TBCK: variants seen among roughly 807,000 people sequenced by gnomAD.
The protein encoded by TBCK is TBC domain-containing protein kinase-like protein.
In TBCK, 99 loss-of-function variants were observed where a neutral mutation model predicts 113.4. The observed-to-expected ratio is 0.87, with a 90% CI of 0.74 to 1.03. The LOEUF (loss-of-function observed/expected upper bound fraction) is 1.03, where lower values mean the gene tolerates loss of function less well. Among genes scored for constraint, TBCK ranks in the 50% least tolerant of loss-of-function variants. The pLI is 0.00. For synonymous variants in TBCK, 369 were observed against 370.8 expected, an observed-to-expected ratio of 1.00 and a Z score of 0.05; for missense variants, 1,045 against 1,061.3, an observed-to-expected ratio of 0.98 and a Z score of 0.21.
At chr4:106,125,566 G>C (rs1195052879) in intron 23 of TBCK, among the ~76,000 whole-genome samples, 2 of 152,130 alleles carry the variant, frequency 1.3e-5, no homozygotes, top group Non-Finnish European at 2.9e-5. Context: ...AAAATGGATG[G>C]AATTGGAGGT....
chr4:106,294,829 G>C (rs965355196), intron 3 of TBCK, among the ~76,000 whole-genome samples: 1 of 152,078 alleles, frequency 6.6e-6, no homozygotes, highest in Non-Finnish European at 1.5e-5. Context: ...TACTAAGAAG[G>C]TTTCAAATTT....
chr4:106,214,028 A>G (rs1018479321), intron 19 of TBCK, among the ~76,000 whole-genome samples: 4 of 152,182 alleles, frequency 2.6e-5, no homozygotes, highest in East Asian at 1.9e-4. Flanking sequence ...TCTGAGAACC[A>G]GCAGACTGCC....
chr4:106,316,566 G>A (rs538104716), upstream of TBCK: 186 of 1,551,612 alleles, frequency 1.2e-4, 2 homozygotes, highest in South Asian at 2.1e-3. Flanking sequence ...TGCTGTGGCT[G>A]TCTCGGAACC....
At chr4:106,195,956 T>C (rs1305565051) in intron 20 of TBCK, among the ~76,000 whole-genome samples, 1 of 151,666 alleles carries the variant, frequency 6.6e-6, no homozygotes, top group Non-Finnish European at 1.5e-5. Context: ...CTCATAAGTT[T>C]TGAGGTACTC....
intron 24 of TBCK, among the ~76,000 whole-genome samples, chr4:106,097,751 A>G (rs1426847864): frequency 6.6e-6 from 1 of 152,100 alleles, no homozygotes; most frequent in Admixed American, 6.5e-5. Flanking sequence ...TTATATTGTA[A>G]ATCTAGGTAG....
At chr4:106,099,605 T>C (rs779366406) in intron 24 of TBCK, among the ~76,000 whole-genome samples, 1 of 152,182 alleles carries the variant, frequency 6.6e-6, no homozygotes, top group Non-Finnish European at 1.5e-5. Flanking sequence ...GCTAAATCTA[T>C]TGATAGTCTG....
At position 106,048,257 on chromosome 4, in the gene TBCK, T is replaced by C. The variant is rs1355662394; in HGVS notation, c.2572-1577A>G. On this transcript the variant is annotated intron_variant, in intron 25 of 25. Coordinates refer to ENST00000394708, the MANE Select transcript of TBCK (RefSeq NM_001163435.3). Reference sequence around the variant, plus strand: ...AATAAATAATGCTGGACTGGGATCTTAGCAATCTCCAAAATAACTCACATA... The same window carrying C: ...AATAAATAATGCTGGACTGGGATCTCAGCAATCTCCAAAATAACTCACATA... Among the ~76,000 whole-genome samples the C allele has an allele frequency of 2.6e-5, 4 of 152,266 alleles. No homozygotes were observed. In the East Asian group the frequency reaches 5.8e-4, roughly 22 times the overall value.
chr4:106,084,024 G>C (rs1333908635), intron 25 of TBCK, among the ~76,000 whole-genome samples: 1 of 152,176 alleles, frequency 6.6e-6, no homozygotes, highest in Non-Finnish European at 1.5e-5. Flanking sequence ...AAGCCAGAGT[G>C]CCTCCTCTCC....
intron 2 of TBCK, among the ~76,000 whole-genome samples, chr4:106,300,834 C>T (rs1010437289): frequency 6.6e-6 from 1 of 152,140 alleles, no homozygotes; most frequent in African/African-American, 2.4e-5. Flanking sequence ...AGTACACTGG[C>T]TCACACCTAT....
intron 24 of TBCK, among the ~76,000 whole-genome samples, chr4:106,097,209 C>CT (rs1392330643): frequency 2.6e-5 from 4 of 152,192 alleles, no homozygotes; most frequent in East Asian, 3.9e-4. Context: ...GCAACAGAGT[C>CT]TTTTTTGAAA....
intron 20 of TBCK, 72 bp from the exon 21 acceptor site, chr4:106,194,826 TAAAC>T: frequency 5.5e-6 from 7 of 1,270,262 alleles, no homozygotes; most frequent in Non-Finnish European, 7.7e-6. Flanking sequence ...TGATTACCAA[TAAAC>T]TAAATGGTAA....
At chr4:106,083,551 C>T (rs552651762) in intron 25 of TBCK, among the ~76,000 whole-genome samples, 65 of 152,234 alleles carry the variant, frequency 4.3e-4, no homozygotes, top group African/African-American at 1.5e-3. Context: ...GAGTGGGTTT[C>T]CCCCCAGTGA....
Position 106,230,291 on chromosome 4 carries a change from A to C in TBCK, c.1774+72T>G, listed in dbSNP as rs1000637614. 4 of 950,656 alleles carry C rather than the reference A, an allele frequency of 4.2e-6. No homozygotes were observed. In the Admixed American group the frequency reaches 1.0e-4, roughly 24 times the overall value. The allele number at this position is 950,656 out of a possible 1,614,324, so 58.9% of individuals were successfully genotyped here. A position where few individuals can be genotyped will look rare whatever the true frequency, so the allele number is the denominator to read the frequency against. ...TTTTGGGGTCAAAATCTTAAATTTA[A>C]TCAAATATTACATCAGCACACCAGT... On this transcript the variant is annotated intron_variant, in intron 19 of 25. Coordinates refer to ENST00000394708, the MANE Select transcript of TBCK (RefSeq NM_001163435.3).
intron 25 of TBCK, among the ~76,000 whole-genome samples, chr4:106,059,438 C>T (rs1024230492): frequency 2.6e-5 from 4 of 151,480 alleles, no homozygotes; most frequent in Non-Finnish European, 4.4e-5. Context: ...ATATTTGAAA[C>T]GTTTTCATTA....
In TBCK at chr4:106,279,395, A is replaced by C. The variant is rs150865219; in HGVS notation, c.266+15699T>G. ...TGATAAAGGCATACAATGTGTAATA[A>C]TCATATCAGGATAAATGGGTTATCC... On this transcript the variant is annotated intron_variant, in intron 3 of 25. Transcript: ENST00000394708. 3.3e-5 allele frequency among the ~76,000 whole-genome samples: 5 copies of C among 152,288 alleles called. No individual in the cohort carries two copies. In the East Asian group the frequency reaches 9.6e-4, roughly 29 times the overall value.
chr4:106,251,797 C>T lies in TBCK; in HGVS notation c.597+69G>A, dbSNP rs1393238522. On this transcript the variant is annotated intron_variant, in intron 6 of 25. Coordinates refer to ENST00000394708, the MANE Select transcript of TBCK (RefSeq NM_001163435.3). ...GCAAAAACATACTATTATTAACTTT[C>T]CTCTCCAAAAGATTATTCCAATAAA... 7 of 1,311,956 alleles carry T rather than the reference C, an allele frequency of 5.3e-6. No individual in the cohort carries two copies. The East Asian group carries it at 1.6e-4, about 30-fold the overall frequency. The allele number at this position is 1,311,956 out of a possible 1,614,324, so 81.3% of individuals were successfully genotyped here.
rs1344685779 is a variant in TBCK, at chr4:106,043,508, G to T, written c.*3062C>A. 6.6e-6 allele frequency: 1 copy of T among 152,058 alleles called. No individual in the cohort carries two copies. The highest frequency in any genetic ancestry group is 1.9e-4 in the East Asian group (1 of 5,198). 9.4% of individuals were successfully genotyped at this position (152,058 alleles called of 1,614,324 possible). ...TGGTGGGTTGCTGAAGGTAGCAAGA[G>T]GTATAAATTATAGCTCCTGATCTTA... is the stretch of plus-strand genomic sequence containing the variant. On this transcript the variant is annotated 3_prime_UTR_variant, in exon 26 of 26. Transcript: ENST00000394708.
Position 106,140,551 on chromosome 4 carries a change from G to T in TBCK, c.2236-24173C>A, listed in dbSNP as rs939407261. Reference sequence around the variant, plus strand: ...AAGTTGGTACTAGCCTCTCAAGAAAGAAAATTTAAGAGTACTTATTATTGT... The same window carrying T: ...AAGTTGGTACTAGCCTCTCAAGAAATAAAATTTAAGAGTACTTATTATTGT... On this transcript the variant is annotated intron_variant, in intron 23 of 25. Transcript: ENST00000394708. 2.8e-5 allele frequency among the ~76,000 whole-genome samples: 4 copies of T among 140,768 alleles called. 1 individual carries two copies. Among genetic ancestry groups the T allele is most frequent in the African/African-American group, 1.0e-4 (4 of 39,992 alleles). 92.3% of individuals were successfully genotyped at this position (140,768 alleles called of 152,430 possible).
intron 22 of TBCK, among the ~76,000 whole-genome samples, chr4:106,171,940 C>T (rs556849661): frequency 6.6e-6 from 1 of 152,052 alleles, no homozygotes; most frequent in Non-Finnish European, 1.5e-5. Flanking sequence ...AAGCAATTCT[C>T]GTGCCTCAGC....
Sources: allele counts gnomAD v4.1 joint callset (sites outside exome capture counted in the v4.1 genomes callset), GRCh38; gene constraint gnomAD v4.1.1; transcripts MANE v1.5; gene names NCBI Gene and HGNC (gene_info 2026-07-23, HGNC 2026-07-21).